Variants in FOXP2 observed in about 807,000 individuals in gnomAD.
The protein encoded by FOXP2 is forkhead box protein P2.
A neutral mutation model predicts 115.8 loss-of-function variants in FOXP2; 12 were observed. The observed-to-expected ratio is 0.10, with a 90% confidence interval of 0.07 to 0.17. FOXP2 has a LOEUF of 0.17. Ranked by LOEUF, FOXP2 falls within the 10% of genes least tolerant of loss-of-function variation. The pLI, the probability that FOXP2 is intolerant of heterozygous loss-of-function variation, is 1.00. For missense variants in FOXP2, 629 were observed against 843.5 expected (o/e 0.75, Z 3.15); for synonymous variants, 328 against 297.7 (o/e 1.10, Z -1.05).
chr7:114,318,379 G>GTT lies in FOXP2; in HGVS notation c.-11+30287_-11+30288dup, dbSNP rs201941261. 8.1e-4 allele frequency among the ~76,000 whole-genome samples: 95 copies of GTT among 116,788 alleles called. 3 individuals are homozygous for GTT. The highest frequency in any genetic ancestry group is 4.2e-3 in the South Asian group (13 of 3,084). The allele number at this position is 116,788 out of a possible 152,430, so 76.6% of individuals were successfully genotyped here. ...TCTACTTAGCATGATGTCTCTCTTT[G>GTT]TTTTTTTTTTTTTTTTTTGGAGAGT... On this transcript the variant is annotated intron_variant, in intron 2 of 17. Transcript: ENST00000634411.
intron 2 of FOXP2, among the ~76,000 whole-genome samples, chr7:114,436,632 T>G (rs1216322836): frequency 1.3e-5 from 2 of 151,562 alleles, no homozygotes; most frequent in Admixed American, 6.6e-5. Context: ...TCATAAAACT[T>G]AACTGTCTAG....
chr7:114,530,630 T>A (rs1478553226), intron 2 of FOXP2, among the ~76,000 whole-genome samples: 1 of 151,898 alleles, frequency 6.6e-6, no homozygotes, highest in Admixed American at 6.6e-5. Context: ...GGTGAAAGTT[T>A]TCAGTGTTCT....
chr7:114,560,020 A>G (rs1237818828), intron 3 of FOXP2, among the ~76,000 whole-genome samples: 1 of 152,168 alleles, frequency 6.6e-6, no homozygotes, highest in Non-Finnish European at 1.5e-5. Flanking sequence ...CTGCATTGGG[A>G]CAGTGGCTGC....
intron 1 of FOXP2, among the ~76,000 whole-genome samples, chr7:114,260,471 A>C (rs905180213): frequency 1.3e-5 from 2 of 151,846 alleles, no homozygotes; most frequent in Non-Finnish European, 2.9e-5. Context: ...TTTTTAAGAC[A>C]GCTTCATAAA....
At chr7:114,449,602 T>C (rs1201822090) in intron 2 of FOXP2, among the ~76,000 whole-genome samples, 1 of 152,090 alleles carries the variant, frequency 6.6e-6, no homozygotes, top group Non-Finnish European at 1.5e-5. Flanking sequence ...TTATCATCAC[T>C]AACCTCTCTT....
intron 3 of FOXP2, among the ~76,000 whole-genome samples, chr7:114,566,008 T>G (rs533163916): frequency 6.6e-6 from 1 of 152,142 alleles, no homozygotes; most frequent in Non-Finnish European, 1.5e-5. Flanking sequence ...TGGAGAAGGA[T>G]GAAGTTGTAT....
chr7:114,475,135 G>A (rs1315904525), intron 2 of FOXP2, among the ~76,000 whole-genome samples: 1 of 152,010 alleles, frequency 6.6e-6, no homozygotes, highest in Non-Finnish European at 1.5e-5. Flanking sequence ...CAATGTTCAA[G>A]TTAGGTATGC....
intron 16 of FOXP2, among the ~76,000 whole-genome samples, chr7:114,675,186 A>G (rs1432588756): frequency 6.6e-6 from 1 of 152,138 alleles, no homozygotes; most frequent in Non-Finnish European, 1.5e-5. Flanking sequence ...TCCAAAAATA[A>G]TTATGTAATT....
chr7:114,627,989 A>G (rs1804688234), intron 3 of FOXP2, among the ~76,000 whole-genome samples: 1 of 151,988 alleles, frequency 6.6e-6, no homozygotes, highest in Admixed American at 6.6e-5. Context: ...TCATATGCTA[A>G]ATTTTATTAC....
chr7:114,493,785 C>T (rs1299247545), intron 2 of FOXP2, among the ~76,000 whole-genome samples: 1 of 151,650 alleles, frequency 6.6e-6, no homozygotes, highest in Non-Finnish European at 1.5e-5. Context: ...TTGTGCCCTT[C>T]TACGTTGTGG....
intron 1 of FOXP2, among the ~76,000 whole-genome samples, chr7:114,271,635 T>G (rs1324032848): frequency 8.3e-6 from 1 of 120,946 alleles, no homozygotes; most frequent in East Asian, 2.2e-4. Context: ...ATTATTAATA[T>G]AATTATTAAT....
chr7:114,473,915 TAAC>T (rs1796150411), intron 2 of FOXP2, among the ~76,000 whole-genome samples: 2 of 152,192 alleles, frequency 1.3e-5, no homozygotes, highest in African/African-American at 4.8e-5. Flanking sequence ...TGAATGTCTG[TAAC>T]AACAACAAAA....
chr7:114,217,540 C>T (rs1308047605), intron 1 of FOXP2, among the ~76,000 whole-genome samples: 3 of 151,814 alleles, frequency 2.0e-5, no homozygotes, highest in Non-Finnish European at 4.4e-5. Context: ...AGCTAGATAA[C>T]AATAATTATA....
Position 114,682,569 on chromosome 7 carries a change from C to T in FOXP2, c.2004-7213C>T, listed in dbSNP as rs535194414. Among the ~76,000 whole-genome samples the T allele has an allele frequency of 2.0e-5, 3 of 152,078 alleles. No individual in the cohort carries two copies. In the East Asian group the frequency reaches 5.8e-4, roughly 29 times the overall value. On this transcript the variant is annotated intron_variant, in intron 16 of 16. Coordinates refer to ENST00000350908, the MANE Select transcript of FOXP2 (RefSeq NM_014491.4). ...TCCTATGGTAGTGTAACACATGGCA[C>T]CTTGAGGAATTTGCAGAAATGAACA...
rs1807008669 is a variant in FOXP2, at chr7:114,663,663, G to A, written c.1839+144G>A. The A allele has an allele frequency of 5.8e-6, 4 of 690,128 alleles. No individual in the cohort carries two copies. The Admixed American group carries it at 8.2e-5, about 14-fold the overall frequency. The allele number at this position is 690,128 out of a possible 1,614,324, so 42.8% of individuals were successfully genotyped here. A position where few individuals can be genotyped will look rare whatever the true frequency, so the allele number is the denominator to read the frequency against. ...GTTGTAGTACCTAGTACTATAGACA[G>A]CACTGGTTCTAATTCAAGCTACTTT... is the stretch of plus-strand genomic sequence containing the variant. On this transcript the variant is annotated intron_variant, in intron 15 of 16. Transcript: ENST00000350908.
intron 2 of FOXP2, among the ~76,000 whole-genome samples, chr7:114,309,119 C>T (rs768457340): frequency 5.9e-5 from 9 of 152,098 alleles, no homozygotes; most frequent in Non-Finnish European, 1.3e-4. Context: ...CAGGTTTGTT[C>T]ACTTTTTGTT....
chr7:114,173,590 G>T (rs1793205483), intron 1 of FOXP2, among the ~76,000 whole-genome samples: 1 of 151,554 alleles, frequency 6.6e-6, no homozygotes. Context: ...AAATGCATCT[G>T]TTGCTATTGC....
intron 2 of FOXP2, among the ~76,000 whole-genome samples, chr7:114,383,565 C>G: frequency 6.6e-6 from 1 of 152,166 alleles, no homozygotes; most frequent in Non-Finnish European, 1.5e-5. Flanking sequence ...TGGCACTTCA[C>G]TCCATTTGCC....
At chr7:114,269,209 G>A (rs1156306116) in intron 1 of FOXP2, among the ~76,000 whole-genome samples, 3 of 152,120 alleles carry the variant, frequency 2.0e-5, no homozygotes, top group South Asian at 2.1e-4. Flanking sequence ...GCCAATATAT[G>A]GTTGAATATA....
Sources: gnomAD v4.1 joint callset for allele counts (sites outside exome capture counted in the v4.1 genomes callset) on GRCh38, gnomAD v4.1.1 for gene constraint, MANE v1.5 for transcripts, NCBI Gene and HGNC (gene_info 2026-07-23, HGNC 2026-07-21) for gene names.